The following ST18 variants were observed in gnomAD, a reference collection of about 807,000 sequenced individuals.
ST18 encodes ST18 C2H2C-type zinc finger transcription factor.
In ST18, 50 loss-of-function variants were observed where a neutral mutation model predicts 110.0. The observed-to-expected ratio is 0.45, with a 90% CI of 0.36 to 0.58. The LOEUF (loss-of-function observed/expected upper bound fraction) is 0.58, where lower values mean the gene tolerates loss of function less well. Among genes scored for constraint, ST18 ranks in the 20% least tolerant of loss-of-function variants. ST18 has a pLI of 0.00. For missense variants in ST18, 1,306 were observed against 1,280.1 expected (o/e 1.02, Z -0.31); for synonymous variants, 461 against 452.4 (o/e 1.02, Z -0.24).
rs115283047 is a variant in ST18, at chr8:52,125,208, G to A, written c.2755+844C>T. Among the ~76,000 whole-genome samples, 1,134 of 152,182 alleles carry A rather than the reference G, an allele frequency of 7.5e-3. 25 individuals are homozygous for A. The highest frequency in any genetic ancestry group is 0.026 in the African/African-American group (1,068 of 41,512). On this transcript the variant is annotated intron_variant, in intron 23 of 25. Transcript: ENST00000689386. ...AACTTGGAGAGGGGATTGACACTAA[G>A]GAAATATCTAGGGAAATGTAGATGT...
intron 23 of ST18, among the ~76,000 whole-genome samples, chr8:52,120,037 A>G (rs1394412049): frequency 6.6e-6 from 1 of 152,214 alleles, no homozygotes; most frequent in Admixed American, 6.5e-5. Context: ...ACCCAGGACC[A>G]TACTCATGGA....
chr8:52,175,869 C>T (rs1012271027), intron 9 of ST18, among the ~76,000 whole-genome samples: 3 of 152,188 alleles, frequency 2.0e-5, no homozygotes, highest in Non-Finnish European at 4.4e-5. Context: ...CCAGGTCCCA[C>T]AGCCATGGAA....
chr8:52,390,615 CG>C (rs2140972609), intron 2 of ST18, among the ~76,000 whole-genome samples: 1 of 152,292 alleles, frequency 6.6e-6, no homozygotes, highest in South Asian at 2.1e-4. Flanking sequence ...TTTTGAGGGA[CG>C]GTGACCTGGC....
intron 2 of ST18, among the ~76,000 whole-genome samples, chr8:52,375,719 G>A (rs1832075036): frequency 6.6e-6 from 1 of 152,100 alleles, no homozygotes; most frequent in African/African-American, 2.4e-5. Context: ...CTGCAGCCAA[G>A]ACCTTTCTCC....
At chr8:52,385,720 GAA>G (rs112719770) in intron 2 of ST18, among the ~76,000 whole-genome samples, 6 of 108,978 alleles carry the variant, frequency 5.5e-5, no homozygotes, top group African/African-American at 1.3e-4. Context: ...AAACAAATTA[GAA>G]AAAAAAAAAA....
At position 52,288,710 on chromosome 8, in the gene ST18, A is replaced by T. The variant is rs539661670; in HGVS notation, c.-464-58633T>A. 2.2e-4 allele frequency among the ~76,000 whole-genome samples: 34 copies of T among 152,180 alleles called. 1 individual carries two copies. The highest frequency in any genetic ancestry group is 1.3e-3 in the East Asian group (7 of 5,186). On this transcript the variant is annotated intron_variant, in intron 2 of 25. Coordinates refer to ENST00000689386, the MANE Select transcript of ST18 (RefSeq NM_001352837.2). ...CTCAGTCTCAAAAAATAAAAAAAAA[A>T]AAATAAAAGGAAAAAAGAAAAAGAG... is the stretch of plus-strand genomic sequence containing the variant.
At chr8:52,380,192 C>T (rs922098681) in intron 2 of ST18, among the ~76,000 whole-genome samples, 2 of 152,012 alleles carry the variant, frequency 1.3e-5, no homozygotes, top group Admixed American at 6.6e-5. Context: ...CTGCAATTGC[C>T]GGCCATTTCA....
chr8:52,236,031 C>T (rs1049931713), intron 2 of ST18, among the ~76,000 whole-genome samples: 2 of 152,100 alleles, frequency 1.3e-5, no homozygotes, highest in Non-Finnish European at 2.9e-5. Context: ...CATGAATATG[C>T]TAAGCAACAT....
At chr8:52,264,811 A>G (rs2094814867) in intron 2 of ST18, among the ~76,000 whole-genome samples, 1 of 152,224 alleles carries the variant, frequency 6.6e-6, no homozygotes, top group African/African-American at 2.4e-5. Context: ...GAGACAGCTT[A>G]GAGGAGAAGT....
At chr8:52,342,526 T>C (rs1191416707) in intron 2 of ST18, among the ~76,000 whole-genome samples, 1 of 152,222 alleles carries the variant, frequency 6.6e-6, no homozygotes, top group African/African-American at 2.4e-5. Context: ...TATTTTGTTG[T>C]AAAGTCTTTC....
chr8:52,357,794 T>C (rs903468371), intron 2 of ST18, among the ~76,000 whole-genome samples: 5 of 146,298 alleles, frequency 3.4e-5, no homozygotes, highest in East Asian at 4.1e-4. Context: ...TCCCCACTTA[T>C]GTTAATGAAT....
intron 2 of ST18, among the ~76,000 whole-genome samples, chr8:52,388,906 G>A (rs1294216206): frequency 1.3e-5 from 2 of 148,776 alleles, no homozygotes; most frequent in African/African-American, 4.9e-5. Context: ...CATGGCACAT[G>A]TATACATATG....
At chr8:52,345,213 A>G (rs1006235598) in intron 2 of ST18, among the ~76,000 whole-genome samples, 6 of 152,226 alleles carry the variant, frequency 3.9e-5, no homozygotes, top group East Asian at 3.8e-4. Context: ...CATCATAACA[A>G]TATCACTTAC....
chr8:52,394,075 C>T (rs541747129), intron 2 of ST18, among the ~76,000 whole-genome samples: 16 of 152,210 alleles, frequency 1.1e-4, no homozygotes, highest in Middle Eastern at 3.4e-3. Flanking sequence ...TCTACAGCAA[C>T]GCCCATTAAT....
chr8:52,118,683 G>A (rs1029755478), intron 23 of ST18, among the ~76,000 whole-genome samples: 6 of 152,002 alleles, frequency 3.9e-5, no homozygotes, highest in African/African-American at 1.2e-4. Context: ...ATGTCCCAGG[G>A]GTGCTGCCAG....
Position 52,362,708 on chromosome 8 carries a change from C to T in ST18, c.-465+46620G>A, listed in dbSNP as rs533176770. Among the ~76,000 whole-genome samples the T allele has an allele frequency of 2.0e-5, 3 of 152,286 alleles. No individual in the cohort carries two copies. In the East Asian group the frequency reaches 5.8e-4, roughly 29 times the overall value. ...CTGAGGACACAAGCAATCCTTGACC[C>T]ATAACTATTTAAATTTAGTTATTCA... is the stretch of plus-strand genomic sequence containing the variant. On this transcript the variant is annotated intron_variant, in intron 2 of 25. Coordinates refer to ENST00000689386, the MANE Select transcript of ST18 (RefSeq NM_001352837.2).
chr8:52,162,219 C>CA (rs1169867771), intron 13 of ST18, among the ~76,000 whole-genome samples: 9 of 152,076 alleles, frequency 5.9e-5, no homozygotes, highest in Admixed American at 2.6e-4. Context: ...TCAAAAAAAA[C>CA]AAAAAAGCCA....
intron 2 of ST18, among the ~76,000 whole-genome samples, chr8:52,397,258 T>C (rs1316838145): frequency 3.9e-5 from 6 of 152,220 alleles, no homozygotes; most frequent in Non-Finnish European, 7.3e-5. Context: ...TTCATATATA[T>C]GTTGGCCATT....
At chr8:52,372,334 C>T (rs1451527579) in intron 2 of ST18, among the ~76,000 whole-genome samples, 1 of 151,998 alleles carries the variant, frequency 6.6e-6, no homozygotes, top group Non-Finnish European at 1.5e-5. Context: ...AGTGTTATTA[C>T]AGGAGTCAGA....
Sources: gnomAD v4.1 joint callset for allele counts (sites outside exome capture counted in the v4.1 genomes callset) on GRCh38, gnomAD v4.1.1 for gene constraint, MANE v1.5 for transcripts, NCBI Gene and HGNC (gene_info 2026-07-23, HGNC 2026-07-21) for gene names.